Variants in HERC3 observed in about 807,000 individuals in gnomAD.
HERC3 encodes HECT and RLD domain containing E3 ubiquitin protein ligase 3.
A neutral mutation model predicts 129.9 loss-of-function variants in HERC3; 58 were observed. That is an observed-to-expected ratio of 0.45 (90% CI 0.36 to 0.56). HERC3 has a LOEUF of 0.56. HERC3 is among the 20% of genes least tolerant of loss of function. The probability of loss-of-function intolerance (pLI) is 0.00; values close to 1 mark genes in which losing one functional copy is unlikely to be tolerated. For missense variants in HERC3, 835 were observed against 1,244.2 expected, an observed-to-expected ratio of 0.67 and a Z score of 4.95; for synonymous variants, 430 against 451.0, an observed-to-expected ratio of 0.95 and a Z score of 0.59.
intron 3 of HERC3, among the ~76,000 whole-genome samples, chr4:88,628,297 ACT>A (rs1476551481): frequency 6.6e-6 from 1 of 152,126 alleles, no homozygotes; most frequent in Non-Finnish European, 1.5e-5. Context: ...AAGAAATGTT[ACT>A]CTTTGTCCCT....
At position 88,667,359 on chromosome 4, in the gene HERC3, T is replaced by C; in HGVS notation, c.1332-18T>C. The C allele has an allele frequency of 7.1e-7, 1 of 1,416,566 alleles. No homozygotes were observed. Among genetic ancestry groups the C allele is most frequent in the Non-Finnish European group, 9.8e-7 (1 of 1,016,170 alleles). The allele number at this position is 1,416,566 out of a possible 1,614,324, so 87.7% of individuals were successfully genotyped here. On this transcript the variant is annotated intron_variant, in intron 12 of 25. Transcript: ENST00000402738. The stretch of plus-strand genomic sequence containing the variant: ...GCTTTTTCTTTTATTATATACCTTT[T>C]TGATTTTGTTTGTTTAGAATTGATG...
chr4:88,677,706 G>T (rs1328409307), intron 18 of HERC3, among the ~76,000 whole-genome samples: 1 of 152,126 alleles, frequency 6.6e-6, no homozygotes, highest in Non-Finnish European at 1.5e-5. Flanking sequence ...TAATCAGCTA[G>T]TTTAAGTCAC....
intron 3 of HERC3, among the ~76,000 whole-genome samples, chr4:88,609,924 A>G (rs1462013928): frequency 6.6e-6 from 1 of 152,158 alleles, no homozygotes; most frequent in African/African-American, 2.4e-5. Context: ...CAAGGTGTGG[A>G]TTATTCATGC....
chr4:88,531,798 G>A, the HERC3 span, among the ~76,000 whole-genome samples: 1 of 152,212 alleles, frequency 6.6e-6, no homozygotes, highest in Non-Finnish European at 1.5e-5. Flanking sequence ...GACAGACACA[G>A]GATTTGCATG....
At position 88,706,964 on chromosome 4, in the gene HERC3, T is replaced by A. The variant is rs1735838105; in HGVS notation, c.*4T>A. ...TGAAGGGTTTAGTTTGGCCTGAGGC[T>A]TCTCAGCTTGTCCAGTATTTCCCTT... On this transcript the variant is annotated 3_prime_UTR_variant, in exon 26 of 26. Coordinates refer to ENST00000402738, the MANE Select transcript of HERC3 (RefSeq NM_014606.3). The A allele has an allele frequency of 6.2e-7, 1 of 1,611,478 alleles. No individual in the cohort carries two copies. The highest frequency in any genetic ancestry group is 8.5e-7 in the Non-Finnish European group (1 of 1,177,662).
chr4:88,692,096 TTAC>T (rs1734129328), intron 23 of HERC3, among the ~76,000 whole-genome samples: 1 of 152,232 alleles, frequency 6.6e-6, no homozygotes, highest in Non-Finnish European at 1.5e-5. Flanking sequence ...CTGTGGCTGA[TTAC>T]TGGTGGCTGC....
At chr4:88,531,778 C>T in the HERC3 span, among the ~76,000 whole-genome samples, 12 of 152,152 alleles carry the variant, frequency 7.9e-5, no homozygotes, top group Admixed American at 2.0e-4. Flanking sequence ...AGAGTTGACA[C>T]GCAGGTTCTG....
At chr4:88,601,493 T>C (rs1578141883) in intron 2 of HERC3, among the ~76,000 whole-genome samples, 1 of 152,244 alleles carries the variant, frequency 6.6e-6, no homozygotes, top group African/African-American at 2.4e-5. Flanking sequence ...GTCTCCTTCA[T>C]ATGTTGACAG....
the HERC3 span, among the ~76,000 whole-genome samples, chr4:88,578,745 A>G: frequency 6.6e-6 from 1 of 152,222 alleles, no homozygotes; most frequent in Non-Finnish European, 1.5e-5. Flanking sequence ...CCCTCATCAT[A>G]ATCCTATAAT....
chr4:88,640,053 C>T (rs149399048), intron 3 of HERC3, among the ~76,000 whole-genome samples: 3,964 of 152,066 alleles, frequency 0.026, 66 homozygotes, highest in Non-Finnish European at 0.035. Context: ...GTCAGAATGG[C>T]GATTATTAAA....
chr4:88,683,454 T>C (rs1161970663), intron 21 of HERC3, among the ~76,000 whole-genome samples: 1 of 152,056 alleles, frequency 6.6e-6, no homozygotes, highest in African/African-American at 2.4e-5. Context: ...ACAGTGTTAA[T>C]TTTTTGGTAA....
chr4:88,555,281 C>CAAAA, the HERC3 span, among the ~76,000 whole-genome samples: 1,382 of 110,330 alleles, frequency 0.013, 9 homozygotes, highest in South Asian at 0.021. Flanking sequence ...GACTCCGTCT[C>CAAAA]AAAAAAAAAA....
At chr4:88,693,201 C>T (rs576779813) in intron 23 of HERC3, 1 of 981,092 alleles carries the variant, frequency 1.0e-6, no homozygotes, top group Middle Eastern at 5.3e-4. Flanking sequence ...TTTCTCTTCC[C>T]CCCCACCACC....
At chr4:88,685,640 C>T (rs1578316731) in intron 21 of HERC3, among the ~76,000 whole-genome samples, 1 of 151,752 alleles carries the variant, frequency 6.6e-6, no homozygotes, top group Non-Finnish European at 1.5e-5. Context: ...AGGACAAATA[C>T]CTAATGCATG....
chr4:88,659,983 G>A (rs1423401740), intron 10 of HERC3, among the ~76,000 whole-genome samples: 1 of 152,058 alleles, frequency 6.6e-6, no homozygotes, highest in African/African-American at 2.4e-5. Context: ...CTGGAAAGAG[G>A]GATAGGTATG....
chr4:88,703,978 C>A (rs1735549299), intron 23 of HERC3, 120 bp from the exon 24 acceptor site: 2 of 915,486 alleles, frequency 2.2e-6, no homozygotes, highest in South Asian at 3.3e-5. Context: ...TAGGATGCCT[C>A]CTGATTTGAG....
Position 88,655,793 on chromosome 4 carries a change from A to G in HERC3, c.909-82A>G, listed in dbSNP as rs567830574. The G allele has an allele frequency of 1.2e-5, 17 of 1,400,738 alleles. No individual in the cohort carries two copies. In the East Asian group the frequency reaches 2.8e-4, roughly 23 times the overall value. The allele number at this position is 1,400,738 out of a possible 1,614,324, so 86.8% of individuals were successfully genotyped here. A position where few individuals can be genotyped will look rare whatever the true frequency, so the allele number is the denominator to read the frequency against. ...TATAGGAGCACCCTGTGCTGTGCAC[A>G]TGTGGAAGTTAAAAGTCAGAGTCAG... is the stretch of plus-strand genomic sequence containing the variant. On this transcript the variant is annotated intron_variant, in intron 8 of 25. Transcript: ENST00000402738.
Position 88,697,143 on chromosome 4 carries a change from C to G in HERC3, c.2658-6955C>G, listed in dbSNP as rs1578340684. ...GAGCCTTTTTAAGTCCATCGATATT[C>G]TGGGAAAAACAAAACCAGGCTTTTT... is the stretch of plus-strand genomic sequence containing the variant. On this transcript the variant is annotated intron_variant, in intron 23 of 25. Transcript: ENST00000402738. 6.3e-6 allele frequency: 9 copies of G among 1,438,246 alleles called. No homozygotes were observed. In the East Asian group the frequency reaches 2.2e-4, roughly 36 times the overall value. 89.1% of individuals were successfully genotyped at this position (1,438,246 alleles called of 1,614,324 possible).
At chr4:88,670,571 G>A (rs1273233701) in intron 16 of HERC3, among the ~76,000 whole-genome samples, 1 of 152,170 alleles carries the variant, frequency 6.6e-6, no homozygotes, top group East Asian at 1.9e-4. Flanking sequence ...GGAAAATGGA[G>A]AGTTGCTATT....
Sources: gnomAD v4.1 joint callset for allele counts (sites outside exome capture counted in the v4.1 genomes callset) on GRCh38, gnomAD v4.1.1 for gene constraint, MANE v1.5 for transcripts, NCBI Gene and HGNC (gene_info 2026-07-23, HGNC 2026-07-21) for gene names.